IFTAP: variants seen among roughly 807,000 people sequenced by gnomAD.
IFTAP encodes the protein intraflagellar transport associated protein.
IFTAP carries 19 observed loss-of-function variants against 19.4 expected under a neutral mutation model. The ratio of observed to expected loss-of-function variants is 0.98; its 90% CI spans 0.68 to 1.44. The LOEUF (loss-of-function observed/expected upper bound fraction) is 1.44, where lower values mean the gene tolerates loss of function less well. Ranked by LOEUF, IFTAP falls within the 40% of genes most tolerant of loss-of-function variation. IFTAP has a pLI of 0.00. For synonymous variants in IFTAP, 85 were observed against 83.5 expected, an observed-to-expected ratio of 1.02 and a Z score of -0.10; for missense variants, 240 against 253.6, an observed-to-expected ratio of 0.95 and a Z score of 0.36.
chr11:36,606,518 G>A (rs1221867515), intron 1 of IFTAP, among the ~76,000 whole-genome samples: 1 of 152,092 alleles, frequency 6.6e-6, no homozygotes, highest in Non-Finnish European at 1.5e-5. Context: ...TAAAATTAAA[G>A]GCCTAGAAGG....
At chr11:36,650,013 A>C (rs1346433805) in intron 5 of IFTAP, among the ~76,000 whole-genome samples, 5 of 151,960 alleles carry the variant, frequency 3.3e-5, no homozygotes, top group African/African-American at 1.2e-4. Flanking sequence ...GGGATGCTCA[A>C]CTCGTATATA....
chr11:36,638,864 C>T lies in IFTAP; in HGVS notation c.358+2747C>T, dbSNP rs567364430. On this transcript the variant is annotated intron_variant, in intron 4 of 5. Transcript: ENST00000334307. ...TTCTCTAAGATTTAGGAGCATGATT[C>T]TTTTCTAATATTTGTTTTATCACTT... 3.9e-5 allele frequency among the ~76,000 whole-genome samples: 6 copies of T among 152,240 alleles called. No homozygotes were observed. The East Asian group carries it at 1.2e-3, about 29-fold the overall frequency.
At position 36,620,990 on chromosome 11, in the gene IFTAP, T is replaced by C. The variant is rs536327385; in HGVS notation, c.136+10751T>C. Among the ~76,000 whole-genome samples the C allele has an allele frequency of 2.0e-5, 3 of 152,132 alleles. No homozygotes were observed. The South Asian group carries it at 6.2e-4, about 32-fold the overall frequency. ...AATGGGATTTTAAACTTTTACAGAATGAAAGAGAACTACTAATAGTTAAAT... is the reference window on the plus strand; with the variant it reads ...AATGGGATTTTAAACTTTTACAGAACGAAAGAGAACTACTAATAGTTAAAT... On this transcript the variant is annotated intron_variant, in intron 2 of 5. Coordinates refer to ENST00000334307, the MANE Select transcript of IFTAP (RefSeq NM_138787.4).
chr11:36,646,841 T>G (rs1404676664), intron 4 of IFTAP, among the ~76,000 whole-genome samples: 1 of 152,126 alleles, frequency 6.6e-6, no homozygotes, highest in Non-Finnish European at 1.5e-5. Flanking sequence ...TTGGCTATTA[T>G]TATTGTTTTT....
At chr11:36,643,897 A>G (rs1180527081) in intron 4 of IFTAP, among the ~76,000 whole-genome samples, 20 of 152,220 alleles carry the variant, frequency 1.3e-4, no homozygotes, top group Non-Finnish European at 2.9e-5. Context: ...TAAAAACCCT[A>G]GAAGAAAACC....
chr11:36,654,218 CA>C (rs953907609), intron 5 of IFTAP, among the ~76,000 whole-genome samples: 15 of 152,122 alleles, frequency 9.9e-5, no homozygotes, highest in African/African-American at 3.6e-4. Flanking sequence ...GGACACTTTC[CA>C]GTCTTCCTTT....
At chr11:36,607,643 A>T (rs1398863084) in intron 1 of IFTAP, among the ~76,000 whole-genome samples, 1 of 151,746 alleles carries the variant, frequency 6.6e-6, no homozygotes, top group African/African-American at 2.4e-5. Flanking sequence ...GGTTAAGGAA[A>T]TACAGACCTG....
chr11:36,647,731 A>G (rs1590232622), intron 4 of IFTAP, among the ~76,000 whole-genome samples: 1 of 152,124 alleles, frequency 6.6e-6, no homozygotes. Context: ...TGAGTTGAGA[A>G]TAAAAGGGAC....
chr11:36,641,809 G>C (rs1565026531), intron 4 of IFTAP, among the ~76,000 whole-genome samples: 1 of 152,104 alleles, frequency 6.6e-6, no homozygotes, highest in African/African-American at 2.4e-5. Flanking sequence ...GCAAAGCTGA[G>C]TTCAATTCCT....
At chr11:36,631,789 A>C (rs768664334) in intron 2 of IFTAP, among the ~76,000 whole-genome samples, 1 of 150,406 alleles carries the variant, frequency 6.6e-6, no homozygotes, top group Admixed American at 6.6e-5. Flanking sequence ...GAATTCCTTT[A>C]TCACTCTTTT....
intron 1 of IFTAP, among the ~76,000 whole-genome samples, chr11:36,609,820 T>C (rs1260165208): frequency 6.6e-6 from 1 of 152,168 alleles, no homozygotes; most frequent in Non-Finnish European, 1.5e-5. Context: ...ACAATAGTCA[T>C]ATGAATATAT....
intron 4 of IFTAP, among the ~76,000 whole-genome samples, chr11:36,637,789 G>A (rs1191992657): frequency 6.6e-6 from 1 of 152,054 alleles, no homozygotes; most frequent in African/African-American, 2.4e-5. Flanking sequence ...GGGTGCTTTT[G>A]TGATGGTTTA....
chr11:36,645,188 T>G (rs934167196), intron 4 of IFTAP, among the ~76,000 whole-genome samples: 1 of 152,166 alleles, frequency 6.6e-6, no homozygotes, highest in African/African-American at 2.4e-5. Context: ...TTTTCAGATG[T>G]CAAGTAGATT....
chr11:36,623,454 A>G (rs1179447295), intron 2 of IFTAP, among the ~76,000 whole-genome samples: 1 of 151,980 alleles, frequency 6.6e-6, no homozygotes. Flanking sequence ...GCATTTTGAC[A>G]GTGAAAAAGG....
chr11:36,638,561 G>T (rs770147326), intron 4 of IFTAP, among the ~76,000 whole-genome samples: 9 of 152,208 alleles, frequency 5.9e-5, no homozygotes, highest in East Asian at 1.9e-4. Flanking sequence ...AAAGGGAAAA[G>T]AAATTAAATA....
intron 5 of IFTAP, among the ~76,000 whole-genome samples, chr11:36,648,996 T>A (rs985022242): frequency 4.6e-5 from 7 of 152,144 alleles, no homozygotes; most frequent in African/African-American, 1.7e-4. Context: ...TAAACATGTA[T>A]CAATAGAGAC....
intron 2 of IFTAP, among the ~76,000 whole-genome samples, chr11:36,631,945 C>A (rs1337027909): frequency 1.3e-5 from 2 of 151,148 alleles, no homozygotes; most frequent in Non-Finnish European, 2.9e-5. Flanking sequence ...GCTCCCTGCC[C>A]CCACCTTTCT....
intron 4 of IFTAP, among the ~76,000 whole-genome samples, chr11:36,646,536 C>T (rs1261929272): frequency 6.6e-6 from 1 of 152,124 alleles, no homozygotes; most frequent in Non-Finnish European, 1.5e-5. Context: ...GTTGCCTAAC[C>T]ATGCTAATGT....
At chr11:36,601,372 T>C (rs1851503298) in intron 1 of IFTAP, among the ~76,000 whole-genome samples, 1 of 152,160 alleles carries the variant, frequency 6.6e-6, no homozygotes, top group South Asian at 2.1e-4. Flanking sequence ...ACAGTTAGTA[T>C]GATGTATTGT....
Sources: gnomAD v4.1 joint callset for allele counts (sites outside exome capture counted in the v4.1 genomes callset) on GRCh38, gnomAD v4.1.1 for gene constraint, MANE v1.5 for transcripts, NCBI Gene and HGNC (gene_info 2026-07-23, HGNC 2026-07-21) for gene names.